JMJD1C: variants seen among roughly 807,000 people sequenced by gnomAD.
The protein encoded by JMJD1C is jumonji domain containing 1C, also known as jumonji domain-containing protein 1C.
Under a neutral mutation model 245.3 loss-of-function variants are expected in JMJD1C, and 31 were observed. That is an observed-to-expected ratio of 0.13 (90% CI 0.09 to 0.17). The LOEUF is 0.17. Among genes scored for constraint, JMJD1C ranks in the 10% least tolerant of loss-of-function variants. The pLI is 1.00. For missense variants in JMJD1C, 2,691 were observed against 3,000.2 expected (o/e 0.90, Z 2.41); for synonymous variants, 1,057 against 1,017.4 (o/e 1.04, Z -0.74).
At chr10:63,307,152 C>T (rs754010889) in intron 2 of JMJD1C, among the ~76,000 whole-genome samples, 15 of 151,694 alleles carry the variant, frequency 9.9e-5, no homozygotes, top group African/African-American at 2.9e-4. Context: ...TCTGAGGATT[C>T]GTCTAAAATT....
At chr10:63,250,072 T>C (rs1852848932) in intron 3 of JMJD1C, among the ~76,000 whole-genome samples, 1 of 152,272 alleles carries the variant, frequency 6.6e-6, no homozygotes, top group East Asian at 1.9e-4. Context: ...TGCAATCGCA[T>C]AATCATAGCT....
Position 63,208,415 on chromosome 10 carries a change from G to A in JMJD1C, c.3254C>T (p.Pro1085Leu). The change falls in exon 10 of 26, where the codon CCT (proline) becomes CTT (leucine). Residue 1085 changes from proline (P) to leucine (L), a missense_variant. Pro to Leu is a moderately conservative substitution (Grantham distance 98, BLOSUM62 -3). Coordinates refer to ENST00000399262, the MANE Select transcript of JMJD1C (RefSeq NM_032776.3). The part of the protein sequence containing the change: ...SDLYKMKHSV[P>L]QSLPQSNYFT... The stretch of plus-strand genomic sequence containing the variant: ...ATAGTTACTTTGGGGTAAACTCTGA[G>A]GCACTGAGTGCTTCATTTTATAAAG... 1.2e-6 allele frequency: 2 copies of A among 1,613,846 alleles called. No individual in the cohort carries two copies. Among genetic ancestry groups the A allele is most frequent in the Non-Finnish European group, 1.7e-6 (2 of 1,179,882 alleles).
intron 1 of JMJD1C, among the ~76,000 whole-genome samples, chr10:63,387,559 A>G (rs917500368): frequency 3.9e-5 from 3 of 77,674 alleles, no homozygotes; most frequent in African/African-American, 5.8e-5. Context: ...TAGATCAAAT[A>G]GAAGAAAAAA....
intron 24 of JMJD1C, among the ~76,000 whole-genome samples, chr10:63,170,055 T>C (rs1050583419): frequency 6.6e-6 from 1 of 152,332 alleles, no homozygotes; most frequent in Non-Finnish European, 1.5e-5. Flanking sequence ...TCCAAAGTTT[T>C]AGCATGAAAG....
chr10:63,205,118 ATC>A, intron 10 of JMJD1C: 1 of 707,502 alleles, frequency 1.4e-6, no homozygotes, highest in Non-Finnish European at 1.7e-6. Flanking sequence ...ACTGTTAAGT[ATC>A]TCTTATTTTG....
intron 2 of JMJD1C, among the ~76,000 whole-genome samples, chr10:63,330,533 GGAGA>G (rs1173705265): frequency 3.3e-5 from 5 of 151,824 alleles, no homozygotes; most frequent in African/African-American, 4.8e-5. Flanking sequence ...GGCAAAAAAG[GGAGA>G]GAATCAAAGA....
intron 1 of JMJD1C, among the ~76,000 whole-genome samples, chr10:63,402,355 C>T (rs1418880690): frequency 6.6e-6 from 1 of 152,138 alleles, no homozygotes; most frequent in Non-Finnish European, 1.5e-5. Context: ...TTTCCACTTT[C>T]CCTTTTCTTT....
intron 2 of JMJD1C, among the ~76,000 whole-genome samples, chr10:63,310,433 G>C (rs1055093880): frequency 2.0e-5 from 3 of 152,122 alleles, no homozygotes; most frequent in African/African-American, 7.2e-5. Flanking sequence ...ACAACCAATT[G>C]GAACAGTGGT....
At chr10:63,281,612 A>G (rs1346033213) in intron 2 of JMJD1C, among the ~76,000 whole-genome samples, 1 of 151,252 alleles carries the variant, frequency 6.6e-6, no homozygotes, top group Non-Finnish European at 1.5e-5. Flanking sequence ...CATGGACAAT[A>G]GGTGCATGCC....
intron 1 of JMJD1C, among the ~76,000 whole-genome samples, chr10:63,514,163 C>T (rs1039908002): frequency 6.6e-6 from 1 of 152,110 alleles, no homozygotes; most frequent in Admixed American, 6.5e-5. Flanking sequence ...GAAAAGGAAA[C>T]CTTTATACAT....
intron 1 of JMJD1C, among the ~76,000 whole-genome samples, chr10:63,385,989 T>C (rs758653828): frequency 2.6e-5 from 4 of 152,068 alleles, no homozygotes; most frequent in Non-Finnish European, 5.9e-5. Context: ...AAGTCTTAAA[T>C]AGATACACTG....
intron 1 of JMJD1C, among the ~76,000 whole-genome samples, chr10:63,389,743 T>C (rs971510600): frequency 3.3e-5 from 5 of 152,082 alleles, no homozygotes; most frequent in Non-Finnish European, 1.5e-5. Context: ...AAGAGGAACT[T>C]TGGGAAGTGT....
Position 63,207,486 on chromosome 10 carries a change from T to C in JMJD1C, c.4183A>G (p.Lys1395Glu), listed in dbSNP as rs759319259. 1 of 1,614,216 alleles carries C rather than the reference T, an allele frequency of 6.2e-7. No individual in the cohort carries two copies. The highest frequency in any genetic ancestry group is 1.7e-5 in the Admixed American group (1 of 60,020). Reference sequence around the variant, plus strand: ...GCAGCAGATGTGATTACATCCGTTTTGGTATTACACATCGTATTTACAGCA... The same window carrying C: ...GCAGCAGATGTGATTACATCCGTTTCGGTATTACACATCGTATTTACAGCA... ...MSAVNTMCNT[K>E]TDVITSAADT... Residue 1395 changes from lysine to glutamate, a missense_variant, in exon 10 of 26, where the codon AAA becomes GAA. Around this residue, in one of 9 missense-constraint regions of JMJD1C, gnomAD observed 1,562 missense variants for 1,490.7 expected, o/e 1.05. Transcript: ENST00000399262.
intron 1 of JMJD1C, chr10:63,427,376 C>G (rs1950504011): frequency 9.4e-7 from 1 of 1,061,746 alleles, no homozygotes; most frequent in African/African-American, 1.6e-5. Flanking sequence ...CATCAGTACC[C>G]AAATCCCTAT....
chr10:63,246,747 C>G (rs754722223), intron 3 of JMJD1C, among the ~76,000 whole-genome samples: 1 of 152,144 alleles, frequency 6.6e-6, no homozygotes, highest in Non-Finnish European at 1.5e-5. Flanking sequence ...GGCAAACTGT[C>G]TTTTCTGACC....
chr10:63,485,015 A>G (rs1953950438), intron 1 of JMJD1C, among the ~76,000 whole-genome samples: 1 of 151,932 alleles, frequency 6.6e-6, no homozygotes, highest in African/African-American at 2.4e-5. Flanking sequence ...TTAAAAAAAA[A>G]AGAAATCCAG....
intron 3 of JMJD1C, among the ~76,000 whole-genome samples, chr10:63,256,669 A>C (rs564824625): frequency 6.6e-6 from 1 of 152,338 alleles, no homozygotes; most frequent in Non-Finnish European, 1.5e-5. Flanking sequence ...GACCACCCCC[A>C]GGCTTTGCCT....
chr10:63,369,842 T>A (rs9414799), intron 2 of JMJD1C, among the ~76,000 whole-genome samples: 1 of 152,068 alleles, frequency 6.6e-6, no homozygotes, highest in South Asian at 2.1e-4. Context: ...ACCTGCTTGA[T>A]AGGAGTGTTT....
intron 10 of JMJD1C, chr10:63,202,686 ACAC>A (rs1250171265): frequency 2.0e-6 from 2 of 985,362 alleles, no homozygotes; most frequent in Non-Finnish European, 2.4e-6. Context: ...GTATAACCAC[ACAC>A]CACATCTCCC....
Sources: allele counts gnomAD v4.1 joint callset (sites outside exome capture counted in the v4.1 genomes callset), GRCh38; gene constraint gnomAD v4.1.1; regional missense constraint gnomAD v4.1.1; transcripts MANE v1.5; gene names NCBI Gene and HGNC (gene_info 2026-07-23, HGNC 2026-07-21).